The following TDRD7 variants were observed in gnomAD, a reference collection of about 807,000 sequenced individuals.
The protein encoded by TDRD7 is tudor domain containing 7.
TDRD7 carries 47 observed loss-of-function variants against 109.8 expected under a neutral mutation model. The ratio of observed to expected loss-of-function variants is 0.43; its 90% confidence interval spans 0.34 to 0.55. The LOEUF (loss-of-function observed/expected upper bound fraction) is 0.55, where lower values mean the gene tolerates loss of function less well. Ranked by LOEUF, TDRD7 falls within the 20% of genes least tolerant of loss-of-function variation. The pLI is 0.03. For missense variants in TDRD7, 1,164 were observed against 1,319.2 expected, an observed-to-expected ratio of 0.88 and a Z score of 1.82; for synonymous variants, 424 against 457.3, an observed-to-expected ratio of 0.93 and a Z score of 0.93.
Position 97,495,988 on chromosome 9 carries a change from TGG to T in TDRD7, c.*109_*110del, listed in dbSNP as rs1374273873. On this transcript the variant is annotated 3_prime_UTR_variant, in exon 17 of 17. Transcript: ENST00000355295. ...CTCTGCTACATGGCTCTGACTGCTG[TGG>T]GGGATTGAAAAGAATATGCTTATGT... The T allele has an allele frequency of 1.1e-6, 1 of 886,564 alleles. No homozygotes were observed. Among genetic ancestry groups the T allele is most frequent in the Non-Finnish European group, 1.9e-6 (1 of 537,962 alleles). 54.9% of individuals were successfully genotyped at this position (886,564 alleles called of 1,614,324 possible).
intron 16 of TDRD7, among the ~76,000 whole-genome samples, chr9:97,493,373 C>T (rs930640787): frequency 6.6e-6 from 1 of 152,032 alleles, no homozygotes; most frequent in African/African-American, 2.4e-5. Context: ...GTGATGCCCC[C>T]TAAGCCGTAA....
rs765662485 is a variant in TDRD7, at chr9:97,483,277, A to G, written c.2841A>G (p.Leu947=). The G allele has an allele frequency of 9.3e-6, 15 of 1,614,098 alleles. No homozygotes were observed. The highest frequency in any genetic ancestry group is 8.3e-5 in the Admixed American group (5 of 59,988). ...AAGTTCTGATGGAAGAGATGATTCT[A>G]TATTACAGCGTGTCTGAAGAGCGCC... ...KLEVLMEEMI[L]YYSVSEERHI... The change falls in exon 15 of 17, where the codon CTA becomes CTG. Residue 947 remains leucine, a synonymous_variant. Coordinates refer to ENST00000355295, the MANE Select transcript of TDRD7 (RefSeq NM_014290.3).
At position 97,444,639 on chromosome 9, in the gene TDRD7, T is replaced by A. The variant is rs1267013028; in HGVS notation, c.855+2764T>A. Among the ~76,000 whole-genome samples, 4 of 152,366 alleles carry A rather than the reference T, an allele frequency of 2.6e-5. No individual in the cohort carries two copies. The East Asian group carries it at 7.7e-4, about 29-fold the overall frequency. On this transcript the variant is annotated intron_variant, in intron 6 of 16. Transcript: ENST00000355295. ...ACTTGGTAATGGGTATCTCTCTTTA[T>A]GGCTTGTCTCTCTATATGGCTTGTC...
intron 8 of TDRD7, among the ~76,000 whole-genome samples, 193 bp from the exon 9 acceptor site, chr9:97,470,365 C>T (rs1828889625): frequency 6.6e-6 from 1 of 152,038 alleles, no homozygotes. Context: ...GAACTAGGAC[C>T]CCTGGTTTCC....
intron 6 of TDRD7, among the ~76,000 whole-genome samples, chr9:97,457,995 G>T (rs1190977479): frequency 2.0e-5 from 3 of 152,106 alleles, no homozygotes; most frequent in African/African-American, 7.2e-5. Flanking sequence ...GGTTATTAGG[G>T]GCCTATTAGG....
In TDRD7 at chr9:97,495,823, C is replaced by T. The variant is rs150055318; in HGVS notation, c.3237C>T (p.Thr1079=). 13 of 1,614,088 alleles carry T rather than the reference C, an allele frequency of 8.1e-6. No individual in the cohort carries two copies. The highest frequency in any genetic ancestry group is 1.1e-5 in the South Asian group (1 of 91,076). ...TAGTGGACACATCGTTGCCAGACACCGATACCTGGATTCATGATTTTATGT... is the reference window on the plus strand; with the variant it reads ...TAGTGGACACATCGTTGCCAGACACTGATACCTGGATTCATGATTTTATGT... ...VYLVDTSLPD[T]DTWIHDFMSE... Residue 1079 remains threonine (T), a synonymous_variant, in exon 17 of 17, where the codon ACC becomes ACT. Coordinates refer to ENST00000355295, the MANE Select transcript of TDRD7 (RefSeq NM_014290.3).
At position 97,478,728 on chromosome 9, in the gene TDRD7, A is replaced by C. The variant is rs563539742; in HGVS notation, c.2301+155A>C. ...GTCTGCTGGTTTTCAGAAGTAAAAC[A>C]TTGCTGACTTAGACAAGAAGACCAG... is the stretch of plus-strand genomic sequence containing the variant. On this transcript the variant is annotated intron_variant, in intron 13 of 16. Transcript: ENST00000355295. 1.4e-5 allele frequency: 14 copies of C among 1,022,136 alleles called. No individual in the cohort carries two copies. In the African/African-American group the frequency reaches 1.8e-4, roughly 13 times the overall value. The allele number at this position is 1,022,136 out of a possible 1,614,324, so 63.3% of individuals were successfully genotyped here.
intron 6 of TDRD7, among the ~76,000 whole-genome samples, chr9:97,457,668 G>A (rs527725249): frequency 6.5e-4 from 99 of 152,266 alleles, no homozygotes; most frequent in African/African-American, 2.2e-3. Context: ...GTGAGCCACT[G>A]CACCCGGCCA....
chr9:97,432,270 G>A, intron 4 of TDRD7, 32 bp downstream of exon 4: 1 of 1,576,964 alleles, frequency 6.3e-7, no homozygotes, highest in African/African-American at 1.3e-5. Context: ...GAAGTTTGGT[G>A]AATCTAGGGT....
chr9:97,486,653 C>T (rs1272598755), intron 15 of TDRD7, among the ~76,000 whole-genome samples: 1 of 152,176 alleles, frequency 6.6e-6, no homozygotes, highest in Admixed American at 6.5e-5. Flanking sequence ...CACTCTCTAA[C>T]TATACTGGAA....
chr9:97,462,182 G>A (rs534771196), intron 7 of TDRD7, among the ~76,000 whole-genome samples: 21 of 152,220 alleles, frequency 1.4e-4, no homozygotes, highest in African/African-American at 5.1e-4. Context: ...AAACTTACAC[G>A]GCAGGATCCT....
At chr9:97,464,251 G>A (rs1338896950) in intron 7 of TDRD7, among the ~76,000 whole-genome samples, 1 of 152,150 alleles carries the variant, frequency 6.6e-6, no homozygotes, top group East Asian at 1.9e-4. Context: ...GCTGCTTCCT[G>A]TTATGCCCTC....
intron 6 of TDRD7, among the ~76,000 whole-genome samples, chr9:97,448,820 T>G (rs1002490772): frequency 6.6e-6 from 1 of 152,196 alleles, no homozygotes; most frequent in Non-Finnish European, 1.5e-5. Flanking sequence ...GAAACAAAAC[T>G]GTGCCCATAT....
intron 16 of TDRD7, among the ~76,000 whole-genome samples, chr9:97,491,151 C>A (rs543033049): frequency 3.5e-4 from 54 of 152,270 alleles, no homozygotes; most frequent in Admixed American, 2.7e-3. Context: ...CTCCTGACTT[C>A]GTGATCCACC....
chr9:97,433,635 A>T (rs1828143934), intron 4 of TDRD7, among the ~76,000 whole-genome samples: 4 of 152,138 alleles, frequency 2.6e-5, no homozygotes, highest in Admixed American at 2.6e-4. Flanking sequence ...AGGGCTTAAT[A>T]TTCAAAATAT....
chr9:97,467,393 T>C (rs917542253), intron 8 of TDRD7, among the ~76,000 whole-genome samples: 2 of 152,236 alleles, frequency 1.3e-5, no homozygotes, highest in African/African-American at 4.8e-5. Flanking sequence ...TCGTGTCAGA[T>C]AGAACTGAGT....
At chr9:97,414,439 A>C (rs1201474874) in intron 1 of TDRD7, among the ~76,000 whole-genome samples, 1 of 152,236 alleles carries the variant, frequency 6.6e-6, no homozygotes, top group East Asian at 1.9e-4. Flanking sequence ...GCCTTCAGTG[A>C]ATCCAAGGAA....
chr9:97,443,615 T>G (rs1201898932), intron 6 of TDRD7, among the ~76,000 whole-genome samples: 1 of 152,236 alleles, frequency 6.6e-6, no homozygotes, highest in Non-Finnish European at 1.5e-5. Flanking sequence ...CCCTTAGAAG[T>G]CTCATTAGGC....
intron 1 of TDRD7, among the ~76,000 whole-genome samples, chr9:97,426,653 A>G (rs927572196): frequency 6.6e-6 from 1 of 152,204 alleles, no homozygotes; most frequent in East Asian, 1.9e-4. Flanking sequence ...TTACTAGGCT[A>G]TAGGAATTTT....
Sources: gnomAD v4.1 joint callset for allele counts (sites outside exome capture counted in the v4.1 genomes callset) on GRCh38, gnomAD v4.1.1 for gene constraint, MANE v1.5 for transcripts, NCBI Gene and HGNC (gene_info 2026-07-23, HGNC 2026-07-21) for gene names.